SAMD3: variants seen among roughly 807,000 people sequenced by gnomAD.
The protein encoded by SAMD3 is sterile alpha motif domain containing 3.
In SAMD3, 63 loss-of-function variants were observed where a neutral mutation model predicts 58.5. The observed-to-expected ratio is 1.08, with a 90% CI of 0.88 to 1.33. SAMD3 has a LOEUF of 1.33. Among genes scored for constraint, SAMD3 ranks in the 40% most tolerant of loss-of-function variants. The pLI, the probability that SAMD3 is intolerant of heterozygous loss-of-function variation, is 0.00. For missense variants in SAMD3, 604 were observed against 608.4 expected (o/e 0.99, Z 0.08); for synonymous variants, 220 against 210.3 (o/e 1.05, Z -0.40).
intron 8 of SAMD3, among the ~76,000 whole-genome samples, chr6:130,167,384 A>G (rs931338712): frequency 6.6e-6 from 1 of 152,214 alleles, no homozygotes; most frequent in Non-Finnish European, 1.5e-5. Context: ...GATCCAGCAC[A>G]GGGCAACAGT....
chr6:130,204,419 C>T (rs1278164938), intron 5 of SAMD3, among the ~76,000 whole-genome samples: 1 of 152,056 alleles, frequency 6.6e-6, no homozygotes, highest in Non-Finnish European at 1.5e-5. Context: ...CTAGCCTGGG[C>T]AACATGTTGA....
At chr6:130,240,595 G>A (rs913669765) in intron 2 of SAMD3, among the ~76,000 whole-genome samples, 4 of 152,200 alleles carry the variant, frequency 2.6e-5, no homozygotes, top group Admixed American at 6.6e-5. Context: ...TGTTGGAAAC[G>A]TAATTCCCAA....
At chr6:130,176,078 A>G in intron 7 of SAMD3, 70 bp from the exon 8 acceptor site, 1 of 1,214,680 alleles carries the variant, frequency 8.2e-7, no homozygotes, top group East Asian at 2.3e-5. Context: ...ATACGTCTAT[A>G]CAACAACAAT....
intron 1 of SAMD3, among the ~76,000 whole-genome samples, chr6:130,349,302 A>G (rs1210326853): frequency 2.0e-5 from 3 of 152,182 alleles, no homozygotes; most frequent in Non-Finnish European, 4.4e-5. Flanking sequence ...TGGTTTTTTG[A>G]AAAGATCAAC....
intron 5 of SAMD3, among the ~76,000 whole-genome samples, chr6:130,196,211 T>A (rs1356183525): frequency 3.9e-5 from 6 of 152,174 alleles, no homozygotes; most frequent in Non-Finnish European, 5.9e-5. Context: ...CAGAGGCCTT[T>A]AAAATAACAA....
At position 130,346,334 on chromosome 6, in the gene SAMD3, G is replaced by A. The variant is rs368891187; in HGVS notation, c.-304+18786C>T. ...TTCCCTTTCCTAGTCAAAGAAAAGG[G>A]TGACAGATGGCACCTGGAAAATCGG... On this transcript the variant is annotated intron_variant, in intron 1 of 13. Coordinates refer to the SAMD3 transcript ENST00000368134. 7.9e-5 allele frequency among the ~76,000 whole-genome samples: 12 copies of A among 152,330 alleles called. No individual in the cohort carries two copies. The East Asian group carries it at 1.7e-3, about 22-fold the overall frequency.
chr6:130,338,971 G>T (rs1777182666), intron 1 of SAMD3, among the ~76,000 whole-genome samples: 1 of 152,128 alleles, frequency 6.6e-6, no homozygotes. Context: ...ATGTAAAAAG[G>T]ATGTGAGATT....
At chr6:130,327,422 CAGTA>C (rs1235148160) in intron 1 of SAMD3, among the ~76,000 whole-genome samples, 6 of 152,100 alleles carry the variant, frequency 3.9e-5, no homozygotes, top group Non-Finnish European at 7.4e-5. Flanking sequence ...TCTAGAATAT[CAGTA>C]AGTCTCTTAA....
At chr6:130,207,000 T>G (rs1024658368) in intron 5 of SAMD3, among the ~76,000 whole-genome samples, 2 of 151,728 alleles carry the variant, frequency 1.3e-5, no homozygotes, top group African/African-American at 2.4e-5. Context: ...CATTAAAAAA[T>G]TAGCTGGGCC....
intron 5 of SAMD3, among the ~76,000 whole-genome samples, chr6:130,190,348 C>T (rs1173093311): frequency 6.6e-6 from 1 of 151,204 alleles, no homozygotes; most frequent in Non-Finnish European, 1.5e-5. Flanking sequence ...AATCCATCCT[C>T]AAGAGTAAAG....
At chr6:130,279,248 C>A (rs1483211529) in intron 2 of SAMD3, among the ~76,000 whole-genome samples, 1 of 152,074 alleles carries the variant, frequency 6.6e-6, no homozygotes. Context: ...TCCTTATAAT[C>A]CCCATGTGTC....
At chr6:130,218,902 G>T (rs140052707) in intron 1 of SAMD3, among the ~76,000 whole-genome samples, 1 of 152,248 alleles carries the variant, frequency 6.6e-6, no homozygotes, top group Non-Finnish European at 1.5e-5. Flanking sequence ...CAGGAGACAG[G>T]GTCTGAAGAT....
At chr6:130,167,535 AT>A (rs1309910529) in intron 8 of SAMD3, among the ~76,000 whole-genome samples, 1 of 152,186 alleles carries the variant, frequency 6.6e-6, no homozygotes, top group Non-Finnish European at 1.5e-5. Flanking sequence ...TAAATCCAAC[AT>A]TTTCATTATT....
chr6:130,330,118 A>T (rs985498710), intron 1 of SAMD3, among the ~76,000 whole-genome samples: 3 of 152,234 alleles, frequency 2.0e-5, no homozygotes, highest in African/African-American at 7.2e-5. Context: ...GACTCTGATA[A>T]GTGTAGAAGA....
Position 130,333,044 on chromosome 6 carries a change from CGTGT to C in SAMD3, c.-303-19955_-303-19952del, listed in dbSNP as rs10529435. ...CAAGACAGGGCCACAGTTGAGTATG[CGTGT>C]GTGTGTGTGTGTGTGTGTGTGTGTG... On this transcript the variant is annotated intron_variant, in intron 1 of 13. Coordinates refer to the SAMD3 transcript ENST00000368134. 7.8e-3 allele frequency among the ~76,000 whole-genome samples: 1,121 copies of C among 143,632 alleles called. 7 individuals are homozygous for C. The highest frequency in any genetic ancestry group is 0.018 in the Middle Eastern group (5 of 282). The allele number at this position is 143,632 out of a possible 152,430, so 94.2% of individuals were successfully genotyped here.
chr6:130,317,225 C>T (rs181071585), intron 1 of SAMD3, among the ~76,000 whole-genome samples: 51 of 152,268 alleles, frequency 3.3e-4, no homozygotes, highest in Non-Finnish European at 4.1e-4. Context: ...GAGCCCAACG[C>T]TTTCCTAAAA....
At chr6:130,304,451 A>G (rs62433905) in intron 2 of SAMD3, among the ~76,000 whole-genome samples, 25,671 of 152,104 alleles carry the variant, frequency 0.17, 2,431 homozygotes, top group East Asian at 0.36. Context: ...TGAAGTGCCA[A>G]ATTTGTTCAT....
At chr6:130,164,316 G>A (rs964521474) in intron 8 of SAMD3, among the ~76,000 whole-genome samples, 3 of 152,168 alleles carry the variant, frequency 2.0e-5, no homozygotes, top group African/African-American at 7.2e-5. Context: ...CTGTAAAAAT[G>A]AAAACTAGGT....
intron 1 of SAMD3, among the ~76,000 whole-genome samples, chr6:130,331,785 A>G: frequency 6.6e-6 from 1 of 152,216 alleles, no homozygotes; most frequent in African/African-American, 2.4e-5. Flanking sequence ...AGTTTTAAAA[A>G]TGGTAAAAAA....
Sources: gnomAD v4.1 joint callset for allele counts (sites outside exome capture counted in the v4.1 genomes callset) on GRCh38, gnomAD v4.1.1 for gene constraint, MANE v1.5 for transcripts, NCBI Gene and HGNC (gene_info 2026-07-23, HGNC 2026-07-21) for gene names.